Variants in LRRC4C observed in about 807,000 individuals in gnomAD.
LRRC4C encodes leucine-rich repeat-containing protein 4C.
LRRC4C carries 5 observed loss-of-function variants against 33.6 expected under a neutral mutation model. The ratio of observed to expected loss-of-function variants is 0.15; its 90% CI spans 0.08 to 0.31. The LOEUF (loss-of-function observed/expected upper bound fraction) is 0.31, where lower values mean the gene tolerates loss of function less well. LRRC4C is among the 10% of genes least tolerant of loss of function. LRRC4C has a pLI of 1.00. For synonymous variants in LRRC4C, 329 were observed against 302.0 expected, an observed-to-expected ratio of 1.09 and a Z score of -0.93; for missense variants, 560 against 796.7, an observed-to-expected ratio of 0.70 and a Z score of 3.58.
chr11:40,242,238 T>TTTTAATTTTAAAAG (rs1865974894), intron 4 of LRRC4C, among the ~76,000 whole-genome samples: 1 of 152,212 alleles, frequency 6.6e-6, no homozygotes, highest in South Asian at 2.1e-4. Context: ...AGAGTTGGTA[T>TTTTAATTTTAAAAG]GCATAATTTT....
In LRRC4C at chr11:41,171,839, C is replaced by T. The variant is rs186410409; in HGVS notation, c.-495-238116G>A. On this transcript the variant is annotated intron_variant, in intron 1 of 6. Transcript: ENST00000528697. ...AGCAGGTGACCCAATCTGGATGCTT[C>T]TGGTCCTAATTATGACAAGCAGACT... Among the ~76,000 whole-genome samples the T allele has an allele frequency of 2.5e-3, 381 of 151,984 alleles. 2 individuals carry two copies. Among genetic ancestry groups the T allele is most frequent in the African/African-American group, 8.7e-3 (362 of 41,482 alleles).
intron 3 of LRRC4C, among the ~76,000 whole-genome samples, chr11:40,513,121 C>A (rs978966624): frequency 6.6e-6 from 1 of 151,444 alleles, no homozygotes; most frequent in African/African-American, 2.4e-5. Context: ...CGGTGGCATG[C>A]GCCTGTAATC....
chr11:41,353,627 A>G (rs1000381808), intron 1 of LRRC4C, among the ~76,000 whole-genome samples: 1 of 152,178 alleles, frequency 6.6e-6, no homozygotes, highest in Non-Finnish European at 1.5e-5. Flanking sequence ...CTTCAACAAA[A>G]TACTAGCAAA....
chr11:41,174,550 G>A (rs1213272553), intron 1 of LRRC4C, among the ~76,000 whole-genome samples: 2 of 151,856 alleles, frequency 1.3e-5, no homozygotes, highest in Non-Finnish European at 2.9e-5. Context: ...AATCTGCCTG[G>A]ATTTTTTTTT....
At chr11:41,105,825 T>C (rs1467534668) in intron 1 of LRRC4C, among the ~76,000 whole-genome samples, 1 of 152,034 alleles carries the variant, frequency 6.6e-6, no homozygotes, top group Non-Finnish European at 1.5e-5. Context: ...GAGGACTGTA[T>C]AAAGGAAGGG....
At chr11:41,239,468 T>C (rs1948163603) in intron 1 of LRRC4C, among the ~76,000 whole-genome samples, 1 of 151,926 alleles carries the variant, frequency 6.6e-6, no homozygotes, top group Admixed American at 6.6e-5. Context: ...CTGCTGCAAC[T>C]ACAATGGCCT....
At chr11:41,374,771 T>G (rs1191280046) in intron 1 of LRRC4C, among the ~76,000 whole-genome samples, 2 of 152,124 alleles carry the variant, frequency 1.3e-5, no homozygotes, top group Non-Finnish European at 2.9e-5. Context: ...TGTAGGAAAA[T>G]AACATTTTTT....
intron 3 of LRRC4C, among the ~76,000 whole-genome samples, chr11:40,535,834 A>G (rs576448627): frequency 1.3e-5 from 2 of 152,198 alleles, no homozygotes; most frequent in Non-Finnish European, 2.9e-5. Flanking sequence ...ACTTTTGTAC[A>G]TTTTGAAGCA....
chr11:40,189,685 G>A (rs774645340), intron 5 of LRRC4C, among the ~76,000 whole-genome samples: 1 of 152,156 alleles, frequency 6.6e-6, no homozygotes, highest in Non-Finnish European at 1.5e-5. Flanking sequence ...TAGTACTTAA[G>A]TTTTATTTTA....
intron 3 of LRRC4C, among the ~76,000 whole-genome samples, chr11:40,601,386 A>G (rs949345129): frequency 6.6e-6 from 1 of 152,180 alleles, no homozygotes; most frequent in Non-Finnish European, 1.5e-5. Flanking sequence ...AAAGGCCCAG[A>G]TATTATTTTC....
intron 1 of LRRC4C, among the ~76,000 whole-genome samples, chr11:41,272,949 G>T (rs1054569210): frequency 6.6e-6 from 1 of 152,104 alleles, no homozygotes; most frequent in African/African-American, 2.4e-5. Context: ...TGAACTTAAT[G>T]CTTAGTTCAT....
At chr11:40,630,100 C>T (rs937426032) in intron 3 of LRRC4C, among the ~76,000 whole-genome samples, 1 of 151,846 alleles carries the variant, frequency 6.6e-6, no homozygotes, top group African/African-American at 2.4e-5. Flanking sequence ...TGTTTTTAAC[C>T]TCAGTTGTAG....
Position 40,920,788 on chromosome 11 carries a change from T to C in LRRC4C, c.-407+12847A>G, listed in dbSNP as rs1243466781. Among the ~76,000 whole-genome samples the C allele has an allele frequency of 2.0e-5, 3 of 152,184 alleles. No individual in the cohort carries two copies. In the East Asian group the frequency reaches 5.8e-4, roughly 29 times the overall value. ...TCCTAAATTTTGGAACCTGTGAGCA[T>C]GTTACCTTGAATCGTTACATTCTAG... On this transcript the variant is annotated intron_variant, in intron 2 of 6. Coordinates refer to ENST00000528697, the MANE Select transcript of LRRC4C (RefSeq NM_001258419.2).
intron 2 of LRRC4C, among the ~76,000 whole-genome samples, chr11:40,924,548 TAGAG>T (rs1254242052): frequency 6.6e-6 from 1 of 152,004 alleles, no homozygotes; most frequent in Non-Finnish European, 1.5e-5. Context: ...AATATGCAGT[TAGAG>T]AGAAAAAATA....
chr11:41,119,637 C>T (rs889815276), intron 1 of LRRC4C, among the ~76,000 whole-genome samples: 3 of 152,114 alleles, frequency 2.0e-5, no homozygotes, highest in African/African-American at 4.8e-5. Flanking sequence ...AGGGACCTTG[C>T]CAATGAAAGT....
rs563035658 is a variant in LRRC4C, at chr11:40,115,101, C to A, written c.1192G>T (p.Ala398Ser). The A allele has an allele frequency of 1.2e-5, 19 of 1,614,062 alleles. No individual in the cohort carries two copies. The highest frequency in any genetic ancestry group is 1.4e-5 in the Non-Finnish European group (17 of 1,180,046). The change falls in exon 7 of 7, where the codon GCG (alanine) becomes TCG (serine). Residue 398 changes from alanine (A) to serine (S), a missense_variant. Ala to Ser is a moderately conservative substitution (Grantham distance 99). Transcript: ENST00000528697. The surrounding 1 kb of genome is among the most constrained non-coding windows in gnomAD (Gnocchi z 6.7). Reference sequence around the variant, plus strand: ...AGCACAGCTATCCGCACTTTGTACGCCCCATGTGTCATGACTGTTCCATTT... The same window carrying A: ...AGCACAGCTATCCGCACTTTGTACGACCCATGTGTCATGACTGTTCCATTT... The part of the protein sequence containing the change: ...TPNGTVMTHG[A>S]YKVRIAVLSD...
intron 2 of LRRC4C, among the ~76,000 whole-genome samples, chr11:40,925,665 T>C (rs1296934553): frequency 1.3e-5 from 2 of 152,216 alleles, no homozygotes; most frequent in South Asian, 2.1e-4. Context: ...AGCACAGCGT[T>C]TGGGTTTGGA....
At chr11:40,881,855 G>A (rs77202920) in intron 2 of LRRC4C, among the ~76,000 whole-genome samples, 1,865 of 151,958 alleles carry the variant, frequency 0.012, 38 homozygotes, top group East Asian at 0.11. Context: ...TTGTGACTTG[G>A]AACCAAAACT....
intron 5 of LRRC4C, among the ~76,000 whole-genome samples, chr11:40,145,819 A>C (rs1857689564): frequency 6.6e-6 from 1 of 152,208 alleles, no homozygotes; most frequent in Non-Finnish European, 1.5e-5. Context: ...TATAATATTT[A>C]TCAGTATAAG....
Sources: allele counts gnomAD v4.1 joint callset (sites outside exome capture counted in the v4.1 genomes callset), GRCh38; gene constraint gnomAD v4.1.1; non-coding constraint Gnocchi (gnomAD v3.1); transcripts MANE v1.5; gene names NCBI Gene and HGNC (gene_info 2026-07-23, HGNC 2026-07-21).